Variants in CDK8 observed in about 807,000 individuals in gnomAD.
CDK8 encodes cyclin-dependent kinase 8.
CDK8 carries 29 observed loss-of-function variants against 71.5 expected under a neutral mutation model. The observed-to-expected ratio is 0.41, with a 90% CI of 0.30 to 0.55. The LOEUF (loss-of-function observed/expected upper bound fraction) is 0.55. CDK8 is among the 20% of genes least tolerant of loss of function. The probability of loss-of-function intolerance (pLI) is 0.37; values close to 1 mark genes in which losing one functional copy is unlikely to be tolerated. For synonymous variants in CDK8, 161 were observed against 192.1 expected, an observed-to-expected ratio of 0.84 and a Z score of 1.34; for missense variants, 288 against 572.6, an observed-to-expected ratio of 0.50 and a Z score of 5.07.
intron 4 of CDK8, among the ~76,000 whole-genome samples, chr13:26,371,359 C>G (rs796300353): frequency 6.6e-5 from 10 of 152,208 alleles, no homozygotes; most frequent in African/African-American, 2.4e-4. Context: ...TCTTAATCAC[C>G]TAACTGTATT....
chr13:26,398,831 G>T (rs1490283090), intron 9 of CDK8, among the ~76,000 whole-genome samples: 1 of 151,798 alleles, frequency 6.6e-6, no homozygotes, highest in African/African-American at 2.4e-5. Context: ...GAGTGTGGTG[G>T]TACATGCCTG....
At chr13:26,355,600 C>T (rs1052438537) in intron 4 of CDK8, among the ~76,000 whole-genome samples, 1 of 151,990 alleles carries the variant, frequency 6.6e-6, no homozygotes, top group Admixed American at 6.6e-5. Flanking sequence ...GGCGACAGAG[C>T]GAAACTCCAT....
At chr13:26,284,757 C>T (rs1426959514) in intron 1 of CDK8, among the ~76,000 whole-genome samples, 2 of 151,762 alleles carry the variant, frequency 1.3e-5, no homozygotes, top group African/African-American at 4.8e-5. Flanking sequence ...GTACCCTCCC[C>T]AAATAAGTCT....
chr13:26,399,568 A>T (rs901189346), intron 9 of CDK8, among the ~76,000 whole-genome samples: 1 of 152,254 alleles, frequency 6.6e-6, no homozygotes, highest in Admixed American at 6.5e-5. Flanking sequence ...TTAGAATCCA[A>T]TTGAATGAAC....
intron 4 of CDK8, among the ~76,000 whole-genome samples, chr13:26,380,616 C>T (rs771461875): frequency 3.9e-5 from 6 of 151,938 alleles, no homozygotes; most frequent in Non-Finnish European, 4.4e-5. Flanking sequence ...GAACTACAGG[C>T]GTGTGTCACC....
chr13:26,273,039 A>T (rs892319681), intron 1 of CDK8, among the ~76,000 whole-genome samples: 1 of 152,174 alleles, frequency 6.6e-6, no homozygotes, highest in African/African-American at 2.4e-5. Flanking sequence ...TTAAAGAAAC[A>T]TTGCTTAACC....
chr13:26,384,315 G>A (rs968863152), intron 5 of CDK8, among the ~76,000 whole-genome samples: 21 of 151,972 alleles, frequency 1.4e-4, no homozygotes, highest in African/African-American at 4.4e-4. Flanking sequence ...TGTGTATTAG[G>A]AAAATAGAAC....
intron 1 of CDK8, among the ~76,000 whole-genome samples, chr13:26,335,486 G>C (rs922292205): frequency 1.3e-5 from 2 of 151,994 alleles, no homozygotes; most frequent in East Asian, 1.9e-4. Flanking sequence ...TCTTCAGCTT[G>C]CTCTTGAGCT....
chr13:26,278,339 A>G (rs563359303), intron 1 of CDK8, among the ~76,000 whole-genome samples: 1 of 152,358 alleles, frequency 6.6e-6, no homozygotes, highest in East Asian at 1.9e-4. Context: ...CATTTTTAAA[A>G]TAATGCTCTT....
At chr13:26,268,865 A>G (rs866760693) in intron 1 of CDK8, among the ~76,000 whole-genome samples, 2 of 152,038 alleles carry the variant, frequency 1.3e-5, no homozygotes, top group African/African-American at 4.8e-5. Context: ...ACTCTTGCTT[A>G]GATCATCTTT....
intron 3 of CDK8, among the ~76,000 whole-genome samples, chr13:26,349,645 G>A (rs1478317763): frequency 6.6e-6 from 1 of 152,156 alleles, no homozygotes; most frequent in African/African-American, 2.4e-5. Flanking sequence ...CATTAAGCAA[G>A]TCTTTTAATG....
At chr13:26,403,804 T>C (rs931205500) in intron 12 of CDK8, 152 bp from the exon 13 acceptor site, 2 of 820,274 alleles carry the variant, frequency 2.4e-6, no homozygotes, top group Admixed American at 4.7e-5. Flanking sequence ...TTAAAATATT[T>C]GGGGTTTTTG....
rs958544692 is a variant in CDK8, at chr13:26,401,718, G to A, written c.1269+94G>A. On this transcript the variant is annotated intron_variant, in intron 12 of 12. Coordinates refer to ENST00000381527, the MANE Select transcript of CDK8 (RefSeq NM_001260.3). This position sits in a 1 kb window ranked among gnomAD's most constrained non-coding sequence, Gnocchi z 4.5. ...TGTGATTTAATTGAGAAATACTGAC[G>A]TCTGTATACCCAGGGAAATACATTA... 38 of 1,254,062 alleles carry A rather than the reference G, an allele frequency of 3.0e-5. No homozygotes were observed. The highest frequency in any genetic ancestry group is 3.8e-4 in the Middle Eastern group (2 of 5,292). 77.7% of individuals were successfully genotyped at this position (1,254,062 alleles called of 1,614,324 possible). A position where few individuals can be genotyped will look rare whatever the true frequency, so the allele number is the denominator to read the frequency against.
chr13:26,348,967 A>AT, intron 2 of CDK8, 105 bp from the exon 3 acceptor site: 1 of 749,238 alleles, frequency 1.3e-6, no homozygotes, highest in South Asian at 1.5e-5. Context: ...GATGTTTAAG[A>AT]TTGTTTACCT....
rs9581612 is a variant in CDK8, at chr13:26,272,301, T to G, written c.128+17532T>G. ...TGAGGCAGGAGTTCAAGACCAAACT[T>G]TTTTTTTTAAAGAAAAAGAAAAAAA... On this transcript the variant is annotated intron_variant, in intron 1 of 12. Transcript: ENST00000381527. Among the ~76,000 whole-genome samples, 1,025 of 149,344 alleles carry G rather than the reference T, an allele frequency of 6.9e-3. 7 individuals are homozygous for G. Among genetic ancestry groups the G allele is most frequent in the Middle Eastern group, 0.025 (7 of 284 alleles).
intron 2 of CDK8, among the ~76,000 whole-genome samples, chr13:26,339,699 A>T (rs550877884): frequency 2.3e-4 from 28 of 120,176 alleles, no homozygotes; most frequent in South Asian, 1.4e-3. Flanking sequence ...TTTCCATTTT[A>T]TTTATTTATT....
intron 1 of CDK8, among the ~76,000 whole-genome samples, chr13:26,266,595 A>T (rs969331409): frequency 1.6e-4 from 25 of 152,156 alleles, no homozygotes; most frequent in African/African-American, 5.3e-4. Context: ...GGCAAGGGAG[A>T]TAAAGAAGTG....
In CDK8 at chr13:26,401,591, C is replaced by T. The variant is rs1471736573; in HGVS notation, c.1236C>T (p.Thr412=). The part of the protein sequence containing the change: ...KKVRVVPPTT[T]SGGLIMTSDY... ...TGAGAGTTGTTCCTCCTACCACTAC[C>T]TCAGGTGGACTTATCATGACCTCAG... The change falls in exon 12 of 13, where the codon ACC becomes ACT. Residue 412 remains threonine (T), a synonymous_variant. Transcript: ENST00000381527. The surrounding 1 kb of genome is among the most constrained non-coding windows in gnomAD (Gnocchi z 4.5). 6.2e-7 allele frequency: 1 copy of T among 1,614,064 alleles called. No homozygotes were observed. Among genetic ancestry groups the T allele is most frequent in the African/African-American group, 1.3e-5 (1 of 74,930 alleles).
At chr13:26,330,245 G>A (rs1021330913) in intron 1 of CDK8, among the ~76,000 whole-genome samples, 7 of 151,868 alleles carry the variant, frequency 4.6e-5, no homozygotes, top group East Asian at 1.9e-4. Flanking sequence ...AGTCTCTGTC[G>A]CCTAGGCTGG....
Sources: allele counts gnomAD v4.1 joint callset (sites outside exome capture counted in the v4.1 genomes callset), GRCh38; gene constraint gnomAD v4.1.1; non-coding constraint Gnocchi (gnomAD v3.1); transcripts MANE v1.5; gene names NCBI Gene and HGNC (gene_info 2026-07-23, HGNC 2026-07-21).